PLD5: variants seen among roughly 807,000 people sequenced by gnomAD.
PLD5 encodes the protein phospholipase D family member 5.
PLD5 carries 36 observed loss-of-function variants against 61.1 expected under a neutral mutation model. That is an observed-to-expected ratio of 0.59 (90% CI 0.45 to 0.78). The LOEUF is 0.78. PLD5 is among the 30% of genes least tolerant of loss of function. The pLI is 0.00. For synonymous variants in PLD5, 243 were observed against 242.8 expected, an observed-to-expected ratio of 1.00 and a Z score of -0.01; for missense variants, 515 against 644.4, an observed-to-expected ratio of 0.80 and a Z score of 2.17.
At chr1:242,394,464 GAACATATATA>G (rs1663267869) in intron 1 of PLD5, among the ~76,000 whole-genome samples, 2 of 65,576 alleles carry the variant, frequency 3.0e-5, no homozygotes, top group Non-Finnish European at 5.7e-5. Flanking sequence ...GTATATATGT[GAACATATATA>G]TGTGTATATA....
intron 6 of PLD5, among the ~76,000 whole-genome samples, chr1:242,114,412 G>T (rs1040643966): frequency 2.0e-5 from 3 of 152,154 alleles, no homozygotes; most frequent in African/African-American, 7.2e-5. Context: ...TCATTTCTTT[G>T]TATTGGAAAC....
intron 5 of PLD5, among the ~76,000 whole-genome samples, chr1:242,164,058 A>G (rs570329773): frequency 2.2e-4 from 34 of 152,204 alleles, no homozygotes; most frequent in African/African-American, 7.2e-4. Flanking sequence ...TGTATGTGCA[A>G]AGGATAAGTG....
intron 1 of PLD5, chr1:242,365,063 A>C (rs1661268816): frequency 6.6e-6 from 1 of 152,210 alleles, no homozygotes; most frequent in African/African-American, 2.4e-5. Context: ...AAAAATAATA[A>C]AATAATAAGG....
At chr1:242,492,912 C>T (rs1668213295) in intron 1 of PLD5, among the ~76,000 whole-genome samples, 1 of 152,192 alleles carries the variant, frequency 6.6e-6, no homozygotes, top group East Asian at 1.9e-4. Context: ...ACCTAATCAC[C>T]TCCCAAAGGC....
chr1:242,295,746 A>G (rs1258432405), intron 2 of PLD5, among the ~76,000 whole-genome samples: 3 of 152,174 alleles, frequency 2.0e-5, no homozygotes, highest in Non-Finnish European at 2.9e-5. Flanking sequence ...GAACTACTCT[A>G]CATTCCCACC....
chr1:242,122,461 C>T (rs1011641605), intron 6 of PLD5, among the ~76,000 whole-genome samples: 1 of 152,146 alleles, frequency 6.6e-6, no homozygotes, highest in Non-Finnish European at 1.5e-5. Flanking sequence ...TGGATCTGAT[C>T]AAGCGATCCA....
chr1:242,472,590 T>C (rs1315624803), intron 1 of PLD5, among the ~76,000 whole-genome samples: 1 of 152,268 alleles, frequency 6.6e-6, no homozygotes, highest in Non-Finnish European at 1.5e-5. Context: ...CAAAGTATAA[T>C]GTTCTCTACT....
At chr1:242,278,077 T>A (rs1397378787) in intron 3 of PLD5, among the ~76,000 whole-genome samples, 1 of 152,218 alleles carries the variant, frequency 6.6e-6, no homozygotes, top group Admixed American at 6.5e-5. Flanking sequence ...GTCAAAAACT[T>A]TTTTTGTTGG....
At chr1:242,392,303 G>A (rs1364976173) in intron 1 of PLD5, among the ~76,000 whole-genome samples, 1 of 152,064 alleles carries the variant, frequency 6.6e-6, no homozygotes, top group Non-Finnish European at 1.5e-5. Flanking sequence ...TACTTATGGA[G>A]TACTACGTTC....
intron 9 of PLD5, among the ~76,000 whole-genome samples, chr1:242,091,932 A>G (rs1659865938): frequency 6.6e-6 from 1 of 151,202 alleles, no homozygotes; most frequent in Admixed American, 6.6e-5. Flanking sequence ...GGTTCAAGCA[A>G]TTCTCTGCTT....
chr1:242,356,164 T>G (rs57292159), intron 1 of PLD5, among the ~76,000 whole-genome samples: 134,313 of 151,734 alleles, frequency 0.89, 60,893 homozygotes, highest in Non-Finnish European at 0.98. Context: ...ATATTGAAAG[T>G]GATTATTAAA....
chr1:242,284,106 CTT>C (rs1016595170), intron 3 of PLD5, among the ~76,000 whole-genome samples: 1 of 110,922 alleles, frequency 9.0e-6, no homozygotes, highest in Non-Finnish European at 1.9e-5. Flanking sequence ...TAAAAATAAT[CTT>C]TTTCTTTTTC....
At chr1:242,240,751 C>T (rs1181096180) in intron 4 of PLD5, among the ~76,000 whole-genome samples, 1 of 152,102 alleles carries the variant, frequency 6.6e-6, no homozygotes, top group East Asian at 1.9e-4. Flanking sequence ...TTGATGGAGA[C>T]AAGGATGTGG....
intron 1 of PLD5, among the ~76,000 whole-genome samples, chr1:242,507,119 T>G (rs1409220559): frequency 2.6e-5 from 4 of 152,178 alleles, no homozygotes; most frequent in African/African-American, 9.7e-5. Flanking sequence ...AGAGTAATCT[T>G]TAGCAAAACT....
Position 242,101,954 on chromosome 1 carries a change from AGGGCCC to A in PLD5, c.1240-1178_1240-1173del, listed in dbSNP as rs541349809. On this transcript the variant is annotated intron_variant, in intron 8 of 9. Coordinates refer to ENST00000536534, the MANE Select transcript of PLD5 (RefSeq NM_001372062.1). Reference sequence around the variant, plus strand: ...TAAACACATTATCTGTGTGGCTCTCAGGGCCCTATCACCACGGTTATAGACAATGAT... The same window carrying A: ...TAAACACATTATCTGTGTGGCTCTCATATCACCACGGTTATAGACAATGAT... Among the ~76,000 whole-genome samples the A allele has an allele frequency of 5.5e-3, 834 of 152,316 alleles. 4 individuals carry two copies. The highest frequency in any genetic ancestry group is 0.019 in the African/African-American group (781 of 41,560).
chr1:242,150,371 C>T (rs891991659), intron 5 of PLD5, among the ~76,000 whole-genome samples: 5 of 151,720 alleles, frequency 3.3e-5, no homozygotes, highest in African/African-American at 1.2e-4. Flanking sequence ...GATTTTCTCT[C>T]TACTTGCTAT....
chr1:242,201,494 T>A (rs1355420950), intron 5 of PLD5, among the ~76,000 whole-genome samples: 1 of 152,076 alleles, frequency 6.6e-6, no homozygotes, highest in East Asian at 1.9e-4. Context: ...CTCAGAGGGA[T>A]CCAGTGAAAC....
chr1:242,305,689 C>A (rs1373543330), intron 2 of PLD5, among the ~76,000 whole-genome samples: 1 of 152,070 alleles, frequency 6.6e-6, no homozygotes, highest in African/African-American at 2.4e-5. Flanking sequence ...CCTCCTGTAG[C>A]CTACTTGGAC....
chr1:242,100,785 G>GA lies in PLD5; in HGVS notation c.1240-4_1240-3insT. The GA allele has an allele frequency of 6.3e-7, 1 of 1,581,824 alleles. No homozygotes were observed. The highest frequency in any genetic ancestry group is 8.6e-7 in the Non-Finnish European group (1 of 1,163,632). On this transcript the variant is annotated splice_polypyrimidine_tract_variant and splice_region_variant and intron_variant, in intron 8 of 9. Transcript: ENST00000536534. Reference sequence around the variant, plus strand: ...TCTCTTTCCAGATCAAAAAATTTCTGTAAGAAAAAAAAAAAGGGGGCAGGT... The same window carrying GA: ...TCTCTTTCCAGATCAAAAAATTTCTGATAAGAAAAAAAAAAAGGGGGCAGGT...
Sources: gnomAD v4.1 joint callset for allele counts (sites outside exome capture counted in the v4.1 genomes callset) on GRCh38, gnomAD v4.1.1 for gene constraint, MANE v1.5 for transcripts, NCBI Gene and HGNC (gene_info 2026-07-23, HGNC 2026-07-21) for gene names.